Variants in ATXN3 observed in about 807,000 individuals in gnomAD.
The protein encoded by ATXN3 is ataxin 3, also known as ataxin-3.
Under a neutral mutation model 58.2 loss-of-function variants are expected in ATXN3, and 28 were observed. The observed-to-expected ratio is 0.48, with a 90% CI of 0.36 to 0.66. The LOEUF (loss-of-function observed/expected upper bound fraction) is 0.66, where lower values mean the gene tolerates loss of function less well. ATXN3 is among the 30% of genes least tolerant of loss of function. ATXN3 has a pLI of 0.00. For missense variants in ATXN3, 321 were observed against 422.1 expected (o/e 0.76, Z 2.10); for synonymous variants, 113 against 138.5 (o/e 0.82, Z 1.29).
At chr14:92,096,362 C>A in intron 2 of ATXN3, 1 of 1,367,350 alleles carries the variant, frequency 7.3e-7, no homozygotes, top group Non-Finnish European at 9.7e-7. Context: ...TGGTGGCTCA[C>A]ACCTATAATC....
chr14:92,069,474 C>T (rs1051105208), intron 10 of ATXN3, among the ~76,000 whole-genome samples: 9 of 144,790 alleles, frequency 6.2e-5, no homozygotes, highest in Admixed American at 2.8e-4. Flanking sequence ...CCCGGGTTCA[C>T]GTGATTCTCC....
At chr14:92,079,217 C>T (rs1208157777) in intron 9 of ATXN3, among the ~76,000 whole-genome samples, 4 of 149,272 alleles carry the variant, frequency 2.7e-5, no homozygotes, top group South Asian at 2.1e-4. Flanking sequence ...CAAGATTGGC[C>T]GTGTGCTAGT....
chr14:92,097,804 C>T (rs781349710), intron 1 of ATXN3, among the ~76,000 whole-genome samples: 3 of 152,268 alleles, frequency 2.0e-5, no homozygotes, highest in Non-Finnish European at 4.4e-5. Flanking sequence ...GGATTACAGG[C>T]AAGAGCCACC....
chr14:92,066,183 A>G (rs1358595619), intron 10 of ATXN3, among the ~76,000 whole-genome samples: 1 of 152,184 alleles, frequency 6.6e-6, no homozygotes, highest in Non-Finnish European at 1.5e-5. Flanking sequence ...CAGTTTTTAA[A>G]CAAATAGTGA....
In ATXN3 at chr14:92,060,505, C is replaced by G. The variant is rs554966272; in HGVS notation, c.*3815G>C. ...AACTCCTGGCCTGAAGTGATTCGCC[C>G]ACCTCAGCCTCCAGAACTGCTGGGA... On this transcript the variant is annotated 3_prime_UTR_variant, in exon 11 of 11. Transcript: ENST00000644486. 1 of 148,772 alleles carries G rather than the reference C, an allele frequency of 6.7e-6. No individual in the cohort carries two copies. The highest frequency in any genetic ancestry group is 2.5e-5 in the African/African-American group (1 of 40,278). 9.2% of individuals were successfully genotyped at this position (148,772 alleles called of 1,614,324 possible).
upstream of ATXN3, chr14:92,050,520 C>T (rs187772521): frequency 6.6e-6 from 1 of 152,380 alleles, no homozygotes; most frequent in African/African-American, 2.4e-5. Context: ...CGAAGCTGCC[C>T]AGCTGAAATT....
At chr14:92,048,281 G>A (rs963743524) in intron 1 of ATXN3, among the ~76,000 whole-genome samples, 6 of 152,204 alleles carry the variant, frequency 3.9e-5, no homozygotes, top group African/African-American at 1.2e-4. Context: ...CACAGTGGAG[G>A]CAAGGAATTG....
intron 1 of ATXN3, among the ~76,000 whole-genome samples, chr14:92,098,850 C>G (rs767773214): frequency 6.6e-6 from 1 of 152,198 alleles, no homozygotes; most frequent in Non-Finnish European, 1.5e-5. Flanking sequence ...CATGGGATGA[C>G]AGGATTCCTC....
chr14:92,095,929 G>A (rs758472782), intron 3 of ATXN3, among the ~76,000 whole-genome samples, 164 bp downstream of exon 3: 7 of 151,732 alleles, frequency 4.6e-5, no homozygotes, highest in Non-Finnish European at 7.4e-5. Context: ...GTGACAGAAC[G>A]AGACTCTGTC....
intron 2 of ATXN3, chr14:92,046,148 G>T (rs1168993996): frequency 6.6e-6 from 1 of 152,246 alleles, no homozygotes; most frequent in African/African-American, 2.4e-5. Flanking sequence ...ATATTGACAT[G>T]TAGTCCTTTT....
chr14:92,074,338 A>C (rs938599292), intron 9 of ATXN3, among the ~76,000 whole-genome samples: 1 of 152,122 alleles, frequency 6.6e-6, no homozygotes, highest in Non-Finnish European at 1.5e-5. Context: ...AAAATAAAAT[A>C]AAATAGGCAG....
At chr14:92,052,364 T>G (rs1052358639), upstream of ATXN3, among the ~76,000 whole-genome samples, 4 of 151,918 alleles carry the variant, frequency 2.6e-5, no homozygotes, top group Admixed American at 6.6e-5. Flanking sequence ...TGTGGTGGCC[T>G]GTAATCTCAG....
At chr14:92,053,288 A>G (rs890780582), upstream of ATXN3, among the ~76,000 whole-genome samples, 19 of 142,928 alleles carry the variant, frequency 1.3e-4, no homozygotes, top group Admixed American at 1.2e-3. Context: ...TCATTTTCAT[A>G]GGAATCATTA....
Position 92,064,396 on chromosome 14 carries a change from T to A in ATXN3, c.1010A>T (p.Glu337Val). 1 of 1,612,624 alleles carries A rather than the reference T, an allele frequency of 6.2e-7. No individual in the cohort carries two copies. The highest frequency in any genetic ancestry group is 8.5e-7 in the Non-Finnish European group (1 of 1,179,056). The part of the protein sequence containing the change: ...GSDLGDAMSE[E>V]DMLQAAVTMS... ...GGTCACAGCTGCCTGAAGCATGTCT[T>A]CTTCACTCATAGCATCACCTGTTGG... Residue 337 changes from glutamate (E) to valine (V), a missense_variant, in exon 11 of 11, where the codon GAA becomes GTA. Glu to Val is a moderately radical substitution (Grantham distance 121, BLOSUM62 -2). Coordinates refer to ENST00000644486, the MANE Select transcript of ATXN3 (RefSeq NM_004993.6).
At chr14:92,100,959 T>G (rs554972799) in intron 1 of ATXN3, among the ~76,000 whole-genome samples, 41 of 152,358 alleles carry the variant, frequency 2.7e-4, no homozygotes, top group Non-Finnish European at 4.9e-4. Flanking sequence ...GTTTACAAAC[T>G]ATGGTCACCA....
chr14:92,071,060 C>T lies in ATXN3; in HGVS notation c.873-7G>A. On this transcript the variant is annotated splice_region_variant and splice_polypyrimidine_tract_variant and intron_variant, in intron 9 of 10. Transcript: ENST00000644486. ...TTGCTGCTTTTGCTGCTGTCTGAAA[C>T]ATTCAAAAGTGAAGTATATTTAAAA... 1 of 643,716 alleles carries T rather than the reference C, an allele frequency of 1.6e-6. No individual in the cohort carries two copies. The highest frequency in any genetic ancestry group is 7.0e-5 in the Admixed American group (1 of 14,300). 39.9% of individuals were successfully genotyped at this position (643,716 alleles called of 1,614,324 possible). A position where few individuals can be genotyped will look rare whatever the true frequency, so the allele number is the denominator to read the frequency against.
rs1347611148 is a variant in ATXN3 at position 92,061,012 on chromosome 14, G to A, written c.*3308C>T. 2 of 151,948 alleles carry A rather than the reference G, an allele frequency of 1.3e-5. No homozygotes were observed. Among genetic ancestry groups the A allele is most frequent in the East Asian group, 3.9e-4 (2 of 5,186 alleles). 9.4% of individuals were successfully genotyped at this position (151,948 alleles called of 1,614,324 possible). On this transcript the variant is annotated 3_prime_UTR_variant, in exon 11 of 11. Transcript: ENST00000644486. ...CTCCCAAAATGCTGGGATTACAGGC[G>A]TGAGCTACCACGCCCAGCCGCCACT...
Position 92,064,316 on chromosome 14 carries a change from G to A in ATXN3, c.*4C>T, listed in dbSNP as rs949541275. 3.8e-6 allele frequency: 6 copies of A among 1,576,558 alleles called. No homozygotes were observed. The African/African-American group carries it at 8.1e-5, about 21-fold the overall frequency. On this transcript the variant is annotated 3_prime_UTR_variant, in exon 11 of 11. Transcript: ENST00000644486. The stretch of plus-strand genomic sequence containing the variant: ...ATGAATATCTAAATTATTTTTTAAA[G>A]GTATTATTTTTTTCCTTCTGTTTTC...
intron 1 of ATXN3, 97 bp from the exon 2 acceptor site, chr14:92,096,935 T>A (rs764384637): frequency 1.4e-5 from 15 of 1,051,628 alleles, no homozygotes; most frequent in Non-Finnish European, 2.1e-5. Flanking sequence ...TGAGACGGAG[T>A]CTCACTCTTT....
Sources: gnomAD v4.1 joint callset for allele counts (sites outside exome capture counted in the v4.1 genomes callset) on GRCh38, gnomAD v4.1.1 for gene constraint, MANE v1.5 for transcripts, NCBI Gene and HGNC (gene_info 2026-07-23, HGNC 2026-07-21) for gene names.